Variants in TENM3 observed in about 807,000 individuals in gnomAD.
TENM3 encodes the protein teneurin transmembrane protein 3.
Under a neutral mutation model 255.1 loss-of-function variants are expected in TENM3, and 63 were observed. The observed-to-expected ratio is 0.25, with a 90% confidence interval of 0.20 to 0.30. The LOEUF (loss-of-function observed/expected upper bound fraction) is 0.30. Among genes scored for constraint, TENM3 ranks in the 10% least tolerant of loss-of-function variants. TENM3 has a pLI of 1.00. For missense variants in TENM3, 2,929 were observed against 3,461.1 expected, an observed-to-expected ratio of 0.85 and a Z score of 3.86; for synonymous variants, 1,306 against 1,322.3, an observed-to-expected ratio of 0.99 and a Z score of 0.27.
chr4:181,663,822 G>T, the TENM3 span, among the ~76,000 whole-genome samples: 1 of 152,164 alleles, frequency 6.6e-6, no homozygotes, highest in African/African-American at 2.4e-5. Context: ...AGCTTCCAGT[G>T]TGTGATTTCC....
At chr4:181,767,820 C>T in the TENM3 span, among the ~76,000 whole-genome samples, 1 of 152,072 alleles carries the variant, frequency 6.6e-6, no homozygotes, top group African/African-American at 2.4e-5. Flanking sequence ...TTAATATAGT[C>T]TATTAATCTA....
At chr4:181,871,184 C>T in the TENM3 span, among the ~76,000 whole-genome samples, 2 of 144,582 alleles carry the variant, frequency 1.4e-5, no homozygotes, top group Admixed American at 7.0e-5. Flanking sequence ...GATATAAGTC[C>T]CCCAATTTTA....
chr4:181,851,810 T>G, the TENM3 span, among the ~76,000 whole-genome samples: 1 of 152,156 alleles, frequency 6.6e-6, no homozygotes, highest in Non-Finnish European at 1.5e-5. Context: ...ATCCTCTGAA[T>G]TCTAAACCTT....
intron 1 of TENM3, among the ~76,000 whole-genome samples, chr4:182,292,504 G>A (rs1316977504): frequency 6.6e-6 from 1 of 152,142 alleles, no homozygotes; most frequent in Non-Finnish European, 1.5e-5. Context: ...TTCTGTGACT[G>A]CTATCTATAT....
At chr4:182,180,707 C>G (rs1369944898) in intron 1 of TENM3, among the ~76,000 whole-genome samples, 1 of 150,674 alleles carries the variant, frequency 6.6e-6, no homozygotes, top group Non-Finnish European at 1.5e-5. Flanking sequence ...AACTCCTGGG[C>G]TCAAGTGATC....
At chr4:182,526,949 C>T (rs1046071930) in intron 3 of TENM3, among the ~76,000 whole-genome samples, 1 of 150,178 alleles carries the variant, frequency 6.7e-6, no homozygotes, top group Non-Finnish European at 1.5e-5. Flanking sequence ...AACTAATTAG[C>T]CCTTTCGCTC....
chr4:182,800,058 C>G lies in TENM3; in HGVS notation c.7807C>G (p.Leu2603Val), dbSNP rs536479740. ...FADVEMQFGA[L>V]ALHVRYGMTL... Reference sequence around the variant, plus strand: ...GGACGTGGAGATGCAGTTCGGCGCGCTGGCGCTGCACGTGCGCTACGGCAT... The same window carrying G: ...GGACGTGGAGATGCAGTTCGGCGCGGTGGCGCTGCACGTGCGCTACGGCAT... Residue 2603 changes from leucine to valine, a missense_variant, in exon 28 of 28, where the codon CTG becomes GTG. Coordinates refer to ENST00000511685, the MANE Select transcript of TENM3 (RefSeq NM_001080477.4). The G allele has an allele frequency of 4.7e-5, 76 of 1,603,170 alleles. No homozygotes were observed. The African/African-American group carries it at 8.6e-4, about 18-fold the overall frequency.
chr4:182,799,023 G>T lies in TENM3; in HGVS notation c.7345-573G>T, dbSNP rs1213083211. On this transcript the variant is annotated intron_variant, in intron 27 of 27. Coordinates refer to ENST00000511685, the MANE Select transcript of TENM3 (RefSeq NM_001080477.4). The surrounding 1 kb of genome is among the most constrained non-coding windows in gnomAD (Gnocchi z 4.2). Reference sequence around the variant, plus strand: ...AAAGTAACAAATATCGTCTCCAGCTGCCCCACCTTCCACTCATCCCTGTAC... The same window carrying T: ...AAAGTAACAAATATCGTCTCCAGCTTCCCCACCTTCCACTCATCCCTGTAC... 6.6e-6 allele frequency among the ~76,000 whole-genome samples: 1 copy of T among 152,178 alleles called. No homozygotes were observed. Among genetic ancestry groups the T allele is most frequent in the African/African-American group, 2.4e-5 (1 of 41,444 alleles).
At chr4:181,514,433 C>T in the TENM3 span, among the ~76,000 whole-genome samples, 1 of 152,096 alleles carries the variant, frequency 6.6e-6, no homozygotes, top group African/African-American at 2.4e-5. Flanking sequence ...ACTTTTGCTA[C>T]AAATTTTCCT....
chr4:181,888,532 A>G, the TENM3 span, among the ~76,000 whole-genome samples: 147 of 78,726 alleles, frequency 1.9e-3, 7 homozygotes, highest in African/African-American at 6.6e-3. Context: ...ATATACATAT[A>G]TGTGTATATA....
chr4:181,751,523 T>TA, the TENM3 span, among the ~76,000 whole-genome samples: 1 of 152,080 alleles, frequency 6.6e-6, no homozygotes, highest in African/African-American at 2.4e-5. Context: ...ACAGTGTTGT[T>TA]ACGCACCTGC....
chr4:181,618,076 C>T, the TENM3 span, among the ~76,000 whole-genome samples: 1 of 152,174 alleles, frequency 6.6e-6, no homozygotes, highest in Non-Finnish European at 1.5e-5. Flanking sequence ...TTAAGAGCAA[C>T]AATATAAAGT....
intron 1 of TENM3, among the ~76,000 whole-genome samples, chr4:182,196,998 C>T (rs1382677528): frequency 6.6e-6 from 1 of 152,144 alleles, no homozygotes; most frequent in Non-Finnish European, 1.5e-5. Context: ...TTCTCCTTCT[C>T]TGCCATTGTT....
intron 18 of TENM3, among the ~76,000 whole-genome samples, chr4:182,738,781 A>C (rs1450705543): frequency 6.6e-6 from 1 of 152,146 alleles, no homozygotes; most frequent in African/African-American, 2.4e-5. Context: ...CGCCAAAATG[A>C]TTTTCCCATT....
chr4:181,945,470 G>A, the TENM3 span, among the ~76,000 whole-genome samples: 1 of 152,004 alleles, frequency 6.6e-6, no homozygotes, highest in Non-Finnish European at 1.5e-5. Context: ...TTGTGAATTG[G>A]CCTAAGGCTA....
At chr4:181,878,119 T>G in the TENM3 span, among the ~76,000 whole-genome samples, 2 of 152,180 alleles carry the variant, frequency 1.3e-5, no homozygotes, top group South Asian at 4.1e-4. Flanking sequence ...CCCATTCTAG[T>G]TGTCTGCTCA....
the TENM3 span, among the ~76,000 whole-genome samples, chr4:181,919,015 CA>C: frequency 6.6e-6 from 1 of 152,104 alleles, no homozygotes; most frequent in Non-Finnish European, 1.5e-5. Context: ...CAAAATAAAA[CA>C]AAACCTGGGA....
chr4:181,674,679 G>A, the TENM3 span, among the ~76,000 whole-genome samples: 18 of 152,102 alleles, frequency 1.2e-4, no homozygotes. Flanking sequence ...GGACACAGAT[G>A]ATTTTTTTTT....
chr4:181,550,079 A>T, the TENM3 span, among the ~76,000 whole-genome samples: 1 of 152,228 alleles, frequency 6.6e-6, no homozygotes, highest in Non-Finnish European at 1.5e-5. Flanking sequence ...TTGACTAAAA[A>T]ATGTGGTAAC....
Sources: allele counts gnomAD v4.1 joint callset (sites outside exome capture counted in the v4.1 genomes callset), GRCh38; gene constraint gnomAD v4.1.1; non-coding constraint Gnocchi (gnomAD v3.1); transcripts MANE v1.5; gene names NCBI Gene and HGNC (gene_info 2026-07-23, HGNC 2026-07-21).